The following CSMD1 variants were observed in gnomAD, a reference collection of about 807,000 sequenced individuals.
CSMD1 encodes the protein CUB and sushi domain-containing protein 1.
CSMD1 carries 213 observed loss-of-function variants against 417.5 expected under a neutral mutation model. That is an observed-to-expected ratio of 0.51 (90% CI 0.46 to 0.57). CSMD1 has a LOEUF of 0.57. Ranked by LOEUF, CSMD1 falls within the 20% of genes least tolerant of loss-of-function variation. CSMD1 has a pLI of 0.00. For missense variants in CSMD1, 6,923 were observed against 4,529.7 expected (o/e 1.53, Z -15.17); for synonymous variants, 2,862 against 1,736.8 (o/e 1.65, Z -16.11).
At chr8:3,529,413 T>A (rs1320769746) in intron 10 of CSMD1, among the ~76,000 whole-genome samples, 1 of 152,190 alleles carries the variant, frequency 6.6e-6, no homozygotes, top group Non-Finnish European at 1.5e-5. Context: ...GATGGGGGGT[T>A]GATACATGAG....
At chr8:4,381,283 G>C (rs910458824) in intron 3 of CSMD1, among the ~76,000 whole-genome samples, 31 of 152,172 alleles carry the variant, frequency 2.0e-4, no homozygotes, top group African/African-American at 6.5e-4. Context: ...CAGCCTTCCA[G>C]AGGTTGGGGA....
At chr8:4,606,821 T>A (rs1241354598) in intron 2 of CSMD1, among the ~76,000 whole-genome samples, 1 of 152,208 alleles carries the variant, frequency 6.6e-6, no homozygotes, top group African/African-American at 2.4e-5. Context: ...AAAACTAATT[T>A]TATAAATCCA....
At chr8:3,397,776 G>A (rs971464982) in intron 16 of CSMD1, among the ~76,000 whole-genome samples, 2 of 152,170 alleles carry the variant, frequency 1.3e-5, no homozygotes, top group Non-Finnish European at 2.9e-5. Flanking sequence ...AAGATTTCCA[G>A]GATGACGTTG....
intron 2 of CSMD1, among the ~76,000 whole-genome samples, chr8:4,467,534 T>C (rs1340618404): frequency 1.3e-5 from 2 of 152,212 alleles, no homozygotes; most frequent in African/African-American, 2.4e-5. Context: ...TTTCTTTACT[T>C]AGCACATTAA....
chr8:3,947,261 T>C (rs1478365383), intron 5 of CSMD1, among the ~76,000 whole-genome samples: 1 of 152,198 alleles, frequency 6.6e-6, no homozygotes, highest in East Asian at 1.9e-4. Flanking sequence ...TATCTAATGT[T>C]CTTTCCACAT....
At chr8:3,811,447 G>A (rs1247616475) in intron 5 of CSMD1, among the ~76,000 whole-genome samples, 3 of 152,142 alleles carry the variant, frequency 2.0e-5, no homozygotes, top group Non-Finnish European at 4.4e-5. Context: ...GAGTGGGCAT[G>A]GATTTTATCT....
intron 10 of CSMD1, among the ~76,000 whole-genome samples, chr8:3,544,338 A>G (rs1798567327): frequency 2.0e-5 from 3 of 152,208 alleles, no homozygotes; most frequent in Admixed American, 6.6e-5. Context: ...CAGAAAATTA[A>G]TCCTTTATCA....
chr8:4,523,250 T>C (rs775980651), intron 2 of CSMD1, among the ~76,000 whole-genome samples: 9 of 152,120 alleles, frequency 5.9e-5, no homozygotes, highest in Non-Finnish European at 8.8e-5. Context: ...AAAACAAACA[T>C]AGATTGACCC....
At chr8:3,533,446 C>G (rs959328559) in intron 10 of CSMD1, among the ~76,000 whole-genome samples, 2 of 152,158 alleles carry the variant, frequency 1.3e-5, no homozygotes, top group Admixed American at 1.3e-4. Context: ...ATGAGTTTAA[C>G]TCCTTTAGAT....
In CSMD1 at chr8:4,236,910, C is replaced by T. The variant is rs141474705; in HGVS notation, c.415+183043G>A. On this transcript the variant is annotated intron_variant, in intron 3 of 69. Transcript: ENST00000635120. ...GTATAAATTCAATTTCCAGGCCTCT[C>T]AGCTAAAATTGTAATCAGAAACAAG... Among the ~76,000 whole-genome samples the T allele has an allele frequency of 1.5e-3, 224 of 152,330 alleles. 1 individual carries two copies. Among genetic ancestry groups the T allele is most frequent in the Non-Finnish European group, 2.7e-3 (182 of 68,028 alleles).
chr8:4,168,156 CACACACACACACACACACACAT>C (rs1797561028), intron 3 of CSMD1, among the ~76,000 whole-genome samples: 2 of 150,748 alleles, frequency 1.3e-5, no homozygotes, highest in South Asian at 4.2e-4. Context: ...TACACACACA[CACACACACACACACACACACAT>C]ACACACACAC....
chr8:3,536,125 G>A (rs1427878611), intron 10 of CSMD1, among the ~76,000 whole-genome samples: 4 of 152,192 alleles, frequency 2.6e-5, no homozygotes, highest in African/African-American at 4.8e-5. Context: ...ATGATACCAA[G>A]CTGTGATATC....
chr8:4,782,992 C>G lies in CSMD1; in HGVS notation c.86-145434G>C, dbSNP rs12114648. On this transcript the variant is annotated intron_variant, in intron 1 of 69. Transcript: ENST00000635120. The stretch of plus-strand genomic sequence containing the variant: ...GACTTCAGATTAGAAAGAATTGGGT[C>G]AAATGTGAGATCCAGATGGTCATGT... Among the ~76,000 whole-genome samples the G allele has an allele frequency of 6.4e-3, 955 of 150,220 alleles. 12 individuals are homozygous for G. Among genetic ancestry groups the G allele is most frequent in the African/African-American group, 0.021 (870 of 40,984 alleles).
At chr8:4,626,848 G>C (rs1296296444) in intron 2 of CSMD1, among the ~76,000 whole-genome samples, 1 of 152,116 alleles carries the variant, frequency 6.6e-6, no homozygotes, top group African/African-American at 2.4e-5. Context: ...ACATAAGCAA[G>C]AACGATATAA....
intron 26 of CSMD1, among the ~76,000 whole-genome samples, chr8:3,245,408 C>G (rs951145155): frequency 1.3e-5 from 2 of 152,346 alleles, no homozygotes; most frequent in East Asian, 1.9e-4. Flanking sequence ...TTCCCCCTCT[C>G]TTTCTTAGAG....
In CSMD1 at chr8:4,371,932, G is replaced by T. The variant is rs976220227; in HGVS notation, c.415+48021C>A. Among the ~76,000 whole-genome samples, 12 of 152,304 alleles carry T rather than the reference G, an allele frequency of 7.9e-5. 1 individual carries two copies. Among genetic ancestry groups the T allele is most frequent in the African/African-American group, 2.9e-4 (12 of 41,570 alleles). The stretch of plus-strand genomic sequence containing the variant: ...GTGTGGATTTCACAAGAGTAATGAT[G>T]ACGAAAAGTGGTAGCTCCGCTAATA... On this transcript the variant is annotated intron_variant, in intron 3 of 69. Transcript: ENST00000635120.
At chr8:4,078,519 C>T (rs1361376854) in intron 3 of CSMD1, among the ~76,000 whole-genome samples, 1 of 151,936 alleles carries the variant, frequency 6.6e-6, no homozygotes. Context: ...CCACCTCGGC[C>T]TCCCAAAGTG....
chr8:4,734,887 G>A (rs1179244921), intron 1 of CSMD1, among the ~76,000 whole-genome samples: 3 of 152,192 alleles, frequency 2.0e-5, no homozygotes, highest in South Asian at 4.1e-4. Context: ...CCAGCCAGCA[G>A]CAGGCTGGCC....
At chr8:4,106,465 T>C (rs17069014) in intron 3 of CSMD1, among the ~76,000 whole-genome samples, 8,813 of 152,252 alleles carry the variant, frequency 0.058, 504 homozygotes, top group African/African-American at 0.15. Context: ...TCAGCTTTCA[T>C]TCTCTCTGCA....
Sources: gnomAD v4.1 joint callset for allele counts (sites outside exome capture counted in the v4.1 genomes callset) on GRCh38, gnomAD v4.1.1 for gene constraint, MANE v1.5 for transcripts, NCBI Gene and HGNC (gene_info 2026-07-23, HGNC 2026-07-21) for gene names.